The following TACC2 variants were observed in gnomAD, a reference collection of about 807,000 sequenced individuals.
The protein encoded by TACC2 is transforming acidic coiled-coil-containing protein 2.
Under a neutral mutation model 227.3 loss-of-function variants are expected in TACC2, and 137 were observed. The observed-to-expected ratio is 0.60, with a 90% CI of 0.52 to 0.69. The LOEUF (loss-of-function observed/expected upper bound fraction) is 0.69, where lower values mean the gene tolerates loss of function less well. TACC2 is among the 30% of genes least tolerant of loss of function. TACC2 has a pLI of 0.00. For synonymous variants in TACC2, 1,523 were observed against 1,487.5 expected (o/e 1.02, Z -0.55); for missense variants, 3,470 against 3,694.4 (o/e 0.94, Z 1.57).
chr10:121,996,338 G>A (rs1327162110), intron 1 of TACC2, among the ~76,000 whole-genome samples: 2 of 152,142 alleles, frequency 1.3e-5, no homozygotes, highest in Non-Finnish European at 2.9e-5. Context: ...TTACAGAAGA[G>A]AACTGCCTCA....
intron 7 of TACC2, among the ~76,000 whole-genome samples, chr10:122,148,030 G>A (rs887502452): frequency 6.6e-6 from 1 of 151,696 alleles, no homozygotes; most frequent in Admixed American, 6.6e-5. Flanking sequence ...AGCAAGTTTC[G>A]AAAATGTAAG....
At chr10:122,151,598 A>G (rs973988515) in intron 7 of TACC2, among the ~76,000 whole-genome samples, 3 of 151,966 alleles carry the variant, frequency 2.0e-5, no homozygotes, top group Admixed American at 1.3e-4. Flanking sequence ...GCAAAGAAAC[A>G]TGTCTTCTCT....
At chr10:122,117,358 T>TGGTG (rs1225555832) in intron 5 of TACC2, among the ~76,000 whole-genome samples, 1 of 151,846 alleles carries the variant, frequency 6.6e-6, no homozygotes, top group Admixed American at 6.6e-5. Flanking sequence ...CATGCCCGGC[T>TGGTG]AATTTTTTGT....
At chr10:122,081,952 G>T (rs1036748791) in intron 3 of TACC2, among the ~76,000 whole-genome samples, 5 of 152,138 alleles carry the variant, frequency 3.3e-5, no homozygotes, top group Admixed American at 2.0e-4. Flanking sequence ...GATCCCCAGG[G>T]GTGCTGGAGA....
In TACC2 at chr10:122,023,042, TCC is replaced by T. The variant is rs1176358222; in HGVS notation, c.33+1030_33+1031del. On this transcript the variant is annotated intron_variant, in intron 2 of 22. Coordinates refer to ENST00000369005, the MANE Select transcript of TACC2 (RefSeq NM_206862.4). ...AATTCATTTCCCTCTGCCTTTTTCT[TCC>T]CTACAATTTTTTTTTTTTGACAGAG... 436 of 93,718 alleles carry T rather than the reference TCC, an allele frequency of 4.7e-3. 3 individuals carry two copies. Among genetic ancestry groups the T allele is most frequent in the African/African-American group, 0.019 (398 of 20,970 alleles). The allele number at this position is 93,718 out of a possible 1,614,324, so 5.8% of individuals were successfully genotyped here.
intron 8 of TACC2, among the ~76,000 whole-genome samples, chr10:122,203,990 C>T (rs975954853): frequency 2.6e-5 from 4 of 151,282 alleles, no homozygotes; most frequent in Non-Finnish European, 5.9e-5. Flanking sequence ...ACCCTGTCTC[C>T]ACCAAAAAAA....
chr10:122,236,064 C>T (rs945550793), intron 16 of TACC2, among the ~76,000 whole-genome samples: 1 of 152,214 alleles, frequency 6.6e-6, no homozygotes, highest in African/African-American at 2.4e-5. Context: ...ATCTCCGGTC[C>T]TATCCATTAA....
At chr10:122,237,880 T>A in intron 17 of TACC2, 81 bp from the exon 18 acceptor site, 2 of 1,019,924 alleles carry the variant, frequency 2.0e-6, no homozygotes, top group Non-Finnish European at 3.0e-6. Flanking sequence ...ATTCACCGTC[T>A]CCTTTTCTTG....
At chr10:122,236,400 C>A (rs1374262973) in intron 16 of TACC2, among the ~76,000 whole-genome samples, 1 of 152,202 alleles carries the variant, frequency 6.6e-6, no homozygotes, top group South Asian at 2.1e-4. Context: ...TAGAGGTTCG[C>A]TGGGCAGCCA....
At chr10:122,080,848 A>G (rs191909718) in intron 3 of TACC2, among the ~76,000 whole-genome samples, 2 of 152,340 alleles carry the variant, frequency 1.3e-5, no homozygotes, top group Admixed American at 1.3e-4. Context: ...CCCCCTCCAG[A>G]ACGCTGTGGG....
At position 122,054,886 on chromosome 10, in the gene TACC2, T is replaced by C. The variant is rs115340481; in HGVS notation, c.146+4336T>C. Among the ~76,000 whole-genome samples the C allele has an allele frequency of 8.8e-3, 1,338 of 152,158 alleles. 15 individuals are homozygous for C. The highest frequency in any genetic ancestry group is 0.031 in the African/African-American group (1,272 of 41,492). ...CAAGGGAGAGAGCGCTGGAGCAAAG[T>C]TCTCCGGCTGGCTCCCCGAGGACAG... On this transcript the variant is annotated intron_variant, in intron 3 of 22. Coordinates refer to ENST00000369005, the MANE Select transcript of TACC2 (RefSeq NM_206862.4).
Position 122,210,376 on chromosome 10 carries a change from G to A in TACC2, c.5972-21G>A, listed in dbSNP as rs1221460868. On this transcript the variant is annotated intron_variant, in intron 8 of 22. Coordinates refer to ENST00000369005, the MANE Select transcript of TACC2 (RefSeq NM_206862.4). This position sits in a 1 kb window ranked among gnomAD's most constrained non-coding sequence, Gnocchi z 4.6. Reference sequence around the variant, plus strand: ...ATGCGTCCTGTGTCTGTAATTGATGGCGTTGTCTGTGTTTCCCCAGGATGT... The same window carrying A: ...ATGCGTCCTGTGTCTGTAATTGATGACGTTGTCTGTGTTTCCCCAGGATGT... 8.2e-6 allele frequency: 13 copies of A among 1,581,352 alleles called. No homozygotes were observed. The highest frequency in any genetic ancestry group is 7.8e-6 in the Non-Finnish European group (9 of 1,150,492).
At chr10:122,226,578 A>T in intron 13 of TACC2, 97 bp downstream of exon 13, 1 of 836,730 alleles carries the variant, frequency 1.2e-6, no homozygotes, top group Non-Finnish European at 1.9e-6. Flanking sequence ...TTCAGTGCAT[A>T]GATTCAGGCG....
chr10:122,161,925 G>C (rs1024788712), intron 7 of TACC2, among the ~76,000 whole-genome samples: 15 of 152,178 alleles, frequency 9.9e-5, no homozygotes, highest in Non-Finnish European at 1.6e-4. Flanking sequence ...TTCTGACAGA[G>C]AAACAAACCC....
chr10:122,166,772 G>C (rs2093187111), intron 7 of TACC2, among the ~76,000 whole-genome samples: 1 of 152,208 alleles, frequency 6.6e-6, no homozygotes, highest in Non-Finnish European at 1.5e-5. Context: ...TTCTCTGACT[G>C]CTCCTTTCCT....
chr10:122,210,452 A>G lies in TACC2; in HGVS notation c.6027A>G (p.Glu2009=). Residue 2009 remains glutamate, a synonymous_variant, in exon 9 of 23, where the codon GAA becomes GAG. Transcript: ENST00000369005. This position sits in a 1 kb window ranked among gnomAD's most constrained non-coding sequence, Gnocchi z 4.6. The part of the protein sequence containing the change: ...VPDGPRSDSV[E]GSPFRPPSHS... ...ATGGCCCACGGAGCGACTCGGTGGA[A>G]GGAAGTCCCTTCCGTCCCCCGTCAC... is the stretch of plus-strand genomic sequence containing the variant. 1 of 1,614,138 alleles carries G rather than the reference A, an allele frequency of 6.2e-7. No individual in the cohort carries two copies. The highest frequency in any genetic ancestry group is 8.5e-7 in the Non-Finnish European group (1 of 1,180,010).
chr10:122,149,857 A>G (rs1010524213), intron 7 of TACC2, among the ~76,000 whole-genome samples: 27 of 152,276 alleles, frequency 1.8e-4, no homozygotes, highest in Non-Finnish European at 3.2e-4. Context: ...TCAAGTTTCC[A>G]TTGTTCTCTT....
intron 2 of TACC2, among the ~76,000 whole-genome samples, chr10:122,030,686 G>A (rs1275477501): frequency 6.6e-6 from 1 of 150,928 alleles, no homozygotes; most frequent in East Asian, 2.0e-4. Flanking sequence ...AGCCAGACAT[G>A]ACCCAGTCTG....
chr10:122,130,457 T>C (rs2087834331), intron 5 of TACC2, among the ~76,000 whole-genome samples: 1 of 152,052 alleles, frequency 6.6e-6, no homozygotes, highest in African/African-American at 2.4e-5. Flanking sequence ...AGCTTTAACA[T>C]TTTTTCTAGA....
Sources: gnomAD v4.1 joint callset for allele counts (sites outside exome capture counted in the v4.1 genomes callset) on GRCh38, gnomAD v4.1.1 for gene constraint, Gnocchi (gnomAD v3.1) non-coding constraint, MANE v1.5 for transcripts, NCBI Gene and HGNC (gene_info 2026-07-23, HGNC 2026-07-21) for gene names.